The following ONECUT2 variants were observed in gnomAD, a reference collection of about 807,000 sequenced individuals.
ONECUT2 encodes the protein one cut homeobox 2.
In ONECUT2, 10 loss-of-function variants were observed where a neutral mutation model predicts 27.9. The ratio of observed to expected loss-of-function variants is 0.36; its 90% CI spans 0.22 to 0.61. ONECUT2 has a LOEUF of 0.61. ONECUT2 is among the 20% of genes least tolerant of loss of function. The probability of loss-of-function intolerance (pLI) is 0.73; values close to 1 mark genes in which losing one functional copy is unlikely to be tolerated. For synonymous variants in ONECUT2, 334 were observed against 315.1 expected (o/e 1.06, Z -0.64); for missense variants, 686 against 721.0 (o/e 0.95, Z 0.56).
At chr18:57,445,614 ATGTAT>A (rs1168438998) in intron 1 of ONECUT2, among the ~76,000 whole-genome samples, 1 of 152,128 alleles carries the variant, frequency 6.6e-6, no homozygotes, top group African/African-American at 2.4e-5. Context: ...AGGTGAGCTA[ATGTAT>A]TTATCTGCTG....
Position 57,480,151 on chromosome 18 carries a change from G to A in ONECUT2, c.*3428G>A, listed in dbSNP as rs1310786425. ...CCCCTATGTGGGTCTCCCTATGCAGGAGCTGTGAGAGAATGTGACTCTCCA... is the reference window on the plus strand; with the variant it reads ...CCCCTATGTGGGTCTCCCTATGCAGAAGCTGTGAGAGAATGTGACTCTCCA... On this transcript the variant is annotated 3_prime_UTR_variant, in exon 2 of 2. Coordinates refer to ENST00000491143, the MANE Select transcript of ONECUT2 (RefSeq NM_004852.3). The A allele has an allele frequency of 6.6e-6, 1 of 152,192 alleles. No homozygotes were observed. The highest frequency in any genetic ancestry group is 2.4e-5 in the African/African-American group (1 of 41,414). The allele number at this position is 152,192 out of a possible 1,614,324, so 9.4% of individuals were successfully genotyped here.
At position 57,485,797 on chromosome 18, in the gene ONECUT2, C is replaced by T. The variant is rs375597490; in HGVS notation, c.*9074C>T. 1 of 152,150 alleles carries T rather than the reference C, an allele frequency of 6.6e-6. No individual in the cohort carries two copies. Among genetic ancestry groups the T allele is most frequent in the African/African-American group, 2.4e-5 (1 of 41,428 alleles). The allele number at this position is 152,150 out of a possible 1,614,324, so 9.4% of individuals were successfully genotyped here. ...TGACAGATTGACAAACTGTAGGAAA[C>T]ACTGTTACTCTCTTTCTGAAGTTTT... On this transcript the variant is annotated 3_prime_UTR_variant, in exon 2 of 2. Coordinates refer to ENST00000491143, the MANE Select transcript of ONECUT2 (RefSeq NM_004852.3).
At chr18:57,474,838 T>C (rs896831810) in intron 1 of ONECUT2, among the ~76,000 whole-genome samples, 2 of 152,244 alleles carry the variant, frequency 1.3e-5, no homozygotes, top group South Asian at 4.1e-4. Context: ...TTGAGAAACA[T>C]AGGAAAGCAT....
chr18:57,442,272 A>G (rs1444026875), intron 1 of ONECUT2, among the ~76,000 whole-genome samples: 2 of 145,720 alleles, frequency 1.4e-5, no homozygotes, highest in Non-Finnish European at 3.0e-5. Context: ...TGAAATTATG[A>G]ATCCCACCTG....
rs538973908 is a variant in ONECUT2 at position 57,478,732 on chromosome 18, A to G, written c.*2009A>G. The G allele has an allele frequency of 1.3e-5, 2 of 152,768 alleles. No individual in the cohort carries two copies. The highest frequency in any genetic ancestry group is 4.1e-4 in the South Asian group (2 of 4,830). 9.5% of individuals were successfully genotyped at this position (152,768 alleles called of 1,614,324 possible). A position where few individuals can be genotyped will look rare whatever the true frequency, so the allele number is the denominator to read the frequency against. On this transcript the variant is annotated 3_prime_UTR_variant, in exon 2 of 2. Transcript: ENST00000491143. ...TTTTCAAAAGAACACGGAACAGAGCAACAGAAACCTCAACAGCTACAATAC... is the reference window on the plus strand; with the variant it reads ...TTTTCAAAAGAACACGGAACAGAGCGACAGAAACCTCAACAGCTACAATAC...
chr18:57,461,879 C>T (rs1285508318), intron 1 of ONECUT2, among the ~76,000 whole-genome samples: 1 of 152,222 alleles, frequency 6.6e-6, no homozygotes, highest in African/African-American at 2.4e-5. Context: ...TGTCGTGCCC[C>T]GCAGTGGTGA....
At chr18:57,463,163 C>T (rs558674640) in intron 1 of ONECUT2, among the ~76,000 whole-genome samples, 17 of 152,274 alleles carry the variant, frequency 1.1e-4, no homozygotes, top group Admixed American at 4.6e-4. Context: ...AATGCCTATC[C>T]AGTTATTCCA....
chr18:57,478,389 T>C lies in ONECUT2; in HGVS notation c.*1666T>C, dbSNP rs1365099334. 6.6e-6 allele frequency: 1 copy of C among 152,630 alleles called. No individual in the cohort carries two copies. The highest frequency in any genetic ancestry group is 6.5e-5 in the Admixed American group (1 of 15,280). The allele number at this position is 152,630 out of a possible 1,614,324, so 9.5% of individuals were successfully genotyped here. ...ACTGACTTTTTTATGAATTACTTAGTCGAAACCAAAGAAACTTTTTCTGCA... is the reference window on the plus strand; with the variant it reads ...ACTGACTTTTTTATGAATTACTTAGCCGAAACCAAAGAAACTTTTTCTGCA... On this transcript the variant is annotated 3_prime_UTR_variant, in exon 2 of 2. Transcript: ENST00000491143.
At chr18:57,475,818 C>T (rs2050379016) in intron 1 of ONECUT2, among the ~76,000 whole-genome samples, 1 of 152,082 alleles carries the variant, frequency 6.6e-6, no homozygotes, top group South Asian at 2.1e-4. Flanking sequence ...ACCAATTTTT[C>T]TAGTCTTTCT....
At chr18:57,468,997 AG>A (rs1160494893) in intron 1 of ONECUT2, among the ~76,000 whole-genome samples, 3 of 152,180 alleles carry the variant, frequency 2.0e-5, no homozygotes, top group Non-Finnish European at 4.4e-5. Flanking sequence ...AGGGAAGTGA[AG>A]GGGGGTTATT....
intron 1 of ONECUT2, among the ~76,000 whole-genome samples, chr18:57,458,449 G>A (rs1317770875): frequency 3.9e-5 from 6 of 152,122 alleles, no homozygotes; most frequent in South Asian, 2.1e-4. Flanking sequence ...TTAGGTTTGC[G>A]TATTGTTTTC....
At position 57,484,255 on chromosome 18, in the gene ONECUT2, G is replaced by C. The variant is rs980341792; in HGVS notation, c.*7532G>C. The stretch of plus-strand genomic sequence containing the variant: ...CTATTTCTAGTGAGAACCAAAGAAG[G>C]CTACCTCACTGACTTTTTCCATTTG... On this transcript the variant is annotated 3_prime_UTR_variant, in exon 2 of 2. Coordinates refer to ENST00000491143, the MANE Select transcript of ONECUT2 (RefSeq NM_004852.3). 6.6e-6 allele frequency: 1 copy of C among 152,598 alleles called. No individual in the cohort carries two copies. The highest frequency in any genetic ancestry group is 1.9e-4 in the East Asian group (1 of 5,184). 9.5% of individuals were successfully genotyped at this position (152,598 alleles called of 1,614,324 possible).
rs148152338 is a variant in ONECUT2, at chr18:57,455,662, G to C, written c.1228+18718G>C. Among the ~76,000 whole-genome samples the C allele has an allele frequency of 4.3e-3, 658 of 152,230 alleles. 4 individuals carry two copies. Among genetic ancestry groups the C allele is most frequent in the African/African-American group, 0.014 (588 of 41,510 alleles). ...TAGTTCTGATCCACAGGAGCATCTC[G>C]GGAAGCTCTGATGGGGTCTGGTTAC... On this transcript the variant is annotated intron_variant, in intron 1 of 1. Transcript: ENST00000491143.
Position 57,436,442 on chromosome 18 carries a change from G to C in ONECUT2, c.726G>C (p.Ala242=). ...ACGGGCTAGGCGGCCTCCACAACGC[G>C]CAGCAGAGTCTGCCCAACTACGGTC... ...LGNGLGGLHN[A]QQSLPNYGPP... is the part of the protein sequence containing the mutation. Residue 242 remains alanine, a synonymous_variant, in exon 1 of 2, where the codon GCG becomes GCC. Transcript: ENST00000491143. The surrounding 1 kb of genome is among the most constrained non-coding windows in gnomAD (Gnocchi z 5.9). 5 of 1,612,674 alleles carry C rather than the reference G, an allele frequency of 3.1e-6. No homozygotes were observed. Among genetic ancestry groups the C allele is most frequent in the Non-Finnish European group, 4.2e-6 (5 of 1,179,856 alleles).
At chr18:57,442,005 G>A (rs1444121235) in intron 1 of ONECUT2, among the ~76,000 whole-genome samples, 1 of 138,388 alleles carries the variant, frequency 7.2e-6, no homozygotes, top group Non-Finnish European at 1.6e-5. Flanking sequence ...GCCGAGGCCC[G>A]GGTCACTGGC....
At chr18:57,465,142 C>T (rs573331960) in intron 1 of ONECUT2, among the ~76,000 whole-genome samples, 1 of 152,060 alleles carries the variant, frequency 6.6e-6, no homozygotes, top group Admixed American at 6.5e-5. Flanking sequence ...AATCTTACTC[C>T]TCTTTTTTTG....
In ONECUT2 at chr18:57,480,071, T is replaced by TG. The variant is rs1467402612; in HGVS notation, c.*3350dup. The TG allele has an allele frequency of 6.6e-6, 1 of 152,244 alleles. No individual in the cohort carries two copies. Among genetic ancestry groups the TG allele is most frequent in the African/African-American group, 2.4e-5 (1 of 41,442 alleles). The allele number at this position is 152,244 out of a possible 1,614,324, so 9.4% of individuals were successfully genotyped here. ...ATAAAGCAGGTTTTGGGGAGACTTC[T>TG]GGAGTCCTGCCCCTAGAGAGCCCCA... On this transcript the variant is annotated 3_prime_UTR_variant, in exon 2 of 2. Transcript: ENST00000491143.
intron 1 of ONECUT2, chr18:57,444,334 C>T (rs1243028310): frequency 2.2e-6 from 1 of 456,392 alleles, no homozygotes; most frequent in Non-Finnish European, 4.4e-6. Flanking sequence ...GTTGCATTGA[C>T]ATCCTTGAAG....
Position 57,487,701 on chromosome 18 carries a change from TCTCACTTAATTTTTA to T in ONECUT2, c.*10980_*10994del. The T allele has an allele frequency of 6.6e-6, 1 of 152,290 alleles. No individual in the cohort carries two copies. Among genetic ancestry groups the T allele is most frequent in the Admixed American group, 6.5e-5 (1 of 15,288 alleles). 9.4% of individuals were successfully genotyped at this position (152,290 alleles called of 1,614,324 possible). A position where few individuals can be genotyped will look rare whatever the true frequency, so the allele number is the denominator to read the frequency against. ...GTCCCTCCCTAGACTTGGAGGTGAC[TCTCACTTAATTTTTA>T]CCTGCCCAACAATGTTCCATCTACC... On this transcript the variant is annotated 3_prime_UTR_variant, in exon 2 of 2. Coordinates refer to ENST00000491143, the MANE Select transcript of ONECUT2 (RefSeq NM_004852.3).
Sources: gnomAD v4.1 joint callset for allele counts (sites outside exome capture counted in the v4.1 genomes callset) on GRCh38, gnomAD v4.1.1 for gene constraint, Gnocchi (gnomAD v3.1) non-coding constraint, MANE v1.5 for transcripts, NCBI Gene and HGNC (gene_info 2026-07-23, HGNC 2026-07-21) for gene names.